TRPV5: variants seen among roughly 807,000 people sequenced by gnomAD.
TRPV5 encodes transient receptor potential cation channel subfamily V member 5.
Under a neutral mutation model 74.1 loss-of-function variants are expected in TRPV5, and 66 were observed. That is an observed-to-expected ratio of 0.89 (90% confidence interval 0.73 to 1.09). The LOEUF (loss-of-function observed/expected upper bound fraction) is 1.09. Ranked by LOEUF, TRPV5 falls within the 50% of genes least tolerant of loss-of-function variation. TRPV5 has a pLI of 0.00. For missense variants in TRPV5, 936 were observed against 930.4 expected, an observed-to-expected ratio of 1.01 and a Z score of -0.08; for synonymous variants, 399 against 360.7, an observed-to-expected ratio of 1.11 and a Z score of -1.20.
At chr7:142,933,270 A>C (rs1381703305) in intron 1 of TRPV5, 62 bp downstream of exon 1, 18 of 1,591,386 alleles carry the variant, frequency 1.1e-5, no homozygotes, top group Non-Finnish European at 1.3e-5. Context: ...AAGCAGGCCC[A>C]GGTGGGTCAG....
intron 12 of TRPV5, among the ~76,000 whole-genome samples, chr7:142,913,237 C>T (rs1231805232): frequency 6.6e-6 from 1 of 152,146 alleles, no homozygotes; most frequent in Non-Finnish European, 1.5e-5. Context: ...ATCACTCTGA[C>T]CTTCCCTGAG....
intron 1 of TRPV5, 75 bp downstream of exon 1, chr7:142,933,257 G>C (rs550856685): frequency 2.5e-6 from 4 of 1,572,422 alleles, no homozygotes; most frequent in Non-Finnish European, 3.4e-6. Context: ...TGCTGTATTC[G>C]GAAAGCAGGC....
chr7:142,919,859 G>A (rs755759039), intron 8 of TRPV5, among the ~76,000 whole-genome samples: 2 of 152,196 alleles, frequency 1.3e-5, no homozygotes, highest in African/African-American at 4.8e-5. Context: ...CCACCACAGT[G>A]GGAAGTGGGT....
chr7:142,929,350 G>A, intron 4 of TRPV5, 78 bp downstream of exon 4: 1 of 1,574,264 alleles, frequency 6.4e-7, no homozygotes, highest in Non-Finnish European at 8.6e-7. Flanking sequence ...GCTGAAGGCA[G>A]GACCCTCATG....
chr7:142,931,858 T>C (rs1408376060), intron 1 of TRPV5, among the ~76,000 whole-genome samples: 4 of 152,022 alleles, frequency 2.6e-5, no homozygotes, highest in African/African-American at 4.8e-5. Flanking sequence ...CCCACCACCA[T>C]GCCTGACTAG....
In TRPV5 at chr7:142,928,155, G is replaced by A. The variant is rs1307796334; in HGVS notation, c.842C>T (p.Thr281Met). 4 of 1,613,982 alleles carry A rather than the reference G, an allele frequency of 2.5e-6. No individual in the cohort carries two copies. Among genetic ancestry groups the A allele is most frequent in the Admixed American group, 1.7e-5 (1 of 60,008 alleles). Residue 281 changes from threonine (T) to methionine (M), a missense_variant, in exon 7 of 15, where the codon ACG (threonine) becomes ATG (methionine). By Grantham distance (81) the Thr-to-Met change is moderately conservative. Coordinates refer to ENST00000265310, the MANE Select transcript of TRPV5 (RefSeq NM_019841.7). ...GPLTSILYDL[T>M]EIDSWGEELS... is the part of the protein sequence containing the mutation. ...CTCCTCTCCCCAGGAGTCGATCTCC[G>A]TGAGGTCGTAGAGAATGGAGGTCAG...
At chr7:142,908,973 G>C (rs898731107) in intron 14 of TRPV5, among the ~76,000 whole-genome samples, 165 bp from the exon 15 acceptor site, 5 of 152,084 alleles carry the variant, frequency 3.3e-5, no homozygotes, top group African/African-American at 1.2e-4. Flanking sequence ...GGTGATGGAG[G>C]GCAGGCTAAC....
At chr7:142,927,503 C>T (rs1439967494) in intron 7 of TRPV5, among the ~76,000 whole-genome samples, 1 of 152,114 alleles carries the variant, frequency 6.6e-6, no homozygotes, top group Non-Finnish European at 1.5e-5. Context: ...GCAGGCTGTA[C>T]AGGTTCTGGA....
Position 142,933,465 on chromosome 7 carries a change from C to T in TRPV5, c.-6G>A. On this transcript the variant is annotated 5_prime_UTR_variant, in exon 1 of 15. Transcript: ENST00000265310. ...TTAGGTAGAAAACCCCCCATGTCTT[C>T]TCCTTGCAGACACTGGCAGATTATA... is the stretch of plus-strand genomic sequence containing the variant. The T allele has an allele frequency of 6.2e-7, 1 of 1,611,882 alleles. No homozygotes were observed. The highest frequency in any genetic ancestry group is 8.5e-7 in the Non-Finnish European group (1 of 1,179,204).
At chr7:142,932,607 C>T (rs1796114792) in intron 1 of TRPV5, among the ~76,000 whole-genome samples, 1 of 152,150 alleles carries the variant, frequency 6.6e-6, no homozygotes, top group Non-Finnish European at 1.5e-5. Context: ...CCCCAAAACA[C>T]TTGGAGGAAG....
At chr7:142,920,517 T>C (rs2116589517) in intron 8 of TRPV5, among the ~76,000 whole-genome samples, 1 of 151,970 alleles carries the variant, frequency 6.6e-6, no homozygotes, top group Middle Eastern at 3.4e-3. Context: ...CACGTGAGTG[T>C]GGCAAGCCCT....
chr7:142,926,116 G>A (rs879564489), intron 7 of TRPV5, among the ~76,000 whole-genome samples: 3 of 152,168 alleles, frequency 2.0e-5, no homozygotes, highest in Admixed American at 6.5e-5. Flanking sequence ...AATCTATTGG[G>A]AGTGGTAGTC....
chr7:142,918,594 G>A (rs966982441), intron 8 of TRPV5, among the ~76,000 whole-genome samples: 2 of 152,186 alleles, frequency 1.3e-5, no homozygotes, highest in African/African-American at 4.8e-5. Flanking sequence ...AGGTGGCAGT[G>A]GAGAGTGTTC....
chr7:142,915,679 C>A, intron 8 of TRPV5, 111 bp from the exon 9 acceptor site: 1 of 981,470 alleles, frequency 1.0e-6, no homozygotes. Context: ...ACTCCCCTTC[C>A]CACCAGCATC....
chr7:142,911,846 G>A (rs1795707262), intron 13 of TRPV5, among the ~76,000 whole-genome samples: 1 of 152,192 alleles, frequency 6.6e-6, no homozygotes, highest in African/African-American at 2.4e-5. Flanking sequence ...ATATGAGAGG[G>A]AAAGACTGGC....
chr7:142,914,966 A>C lies in TRPV5; in HGVS notation c.1367T>G (p.Phe456Cys), dbSNP rs1329048507. 2 of 1,614,006 alleles carry C rather than the reference A, an allele frequency of 1.2e-6. No homozygotes were observed. The highest frequency in any genetic ancestry group is 4.5e-5 in the East Asian group (2 of 44,886). ...NTNGEVVPMS[F>C]ALVLGWCSVM... ...ACTGCACCAGCCCAGCACCAGGGCA[A>C]AGGACATGGGCACCACCTCCCCATT... Residue 456 changes from phenylalanine (F) to cysteine (C), a missense_variant, in exon 11 of 15, where the codon TTT becomes TGT. By Grantham distance (205) the Phe-to-Cys change is radical. Coordinates refer to ENST00000265310, the MANE Select transcript of TRPV5 (RefSeq NM_019841.7).
At position 142,924,355 on chromosome 7, in the gene TRPV5, CATATACATGTATATATATACAT is replaced by C. The variant is rs1795944353; in HGVS notation, c.1122+1152_1122+1173del. Among the ~76,000 whole-genome samples the C allele has an allele frequency of 1.9e-4, 4 of 20,526 alleles. 2 individuals are homozygous for C. The highest frequency in any genetic ancestry group is 3.6e-4 in the Non-Finnish European group (2 of 5,504). 13.5% of individuals were successfully genotyped at this position (20,526 alleles called of 152,430 possible). A position where few individuals can be genotyped will look rare whatever the true frequency, so the allele number is the denominator to read the frequency against. On this transcript the variant is annotated intron_variant, in intron 8 of 14. Coordinates refer to ENST00000265310, the MANE Select transcript of TRPV5 (RefSeq NM_019841.7). ...ATATATACATATATATATATATAGACATATACATGTATATATATACATATATATATATATATACATATACATG... is the reference window on the plus strand; with the variant it reads ...ATATATACATATATATATATATAGACATATATATATATATACATATACATG...
intron 8 of TRPV5, among the ~76,000 whole-genome samples, chr7:142,918,597 GAGTGTTCTTTAATCTTT>G (rs1795834080): frequency 6.6e-6 from 1 of 152,228 alleles, no homozygotes; most frequent in African/African-American, 2.4e-5. Flanking sequence ...TGGCAGTGGA[GAGTGTTCTTTAATCTTT>G]ATCGTCACAG....
chr7:142,912,564 A>G lies in TRPV5; in HGVS notation c.1706T>C (p.Leu569Pro). The G allele has an allele frequency of 6.2e-7, 1 of 1,614,128 alleles. No homozygotes were observed. The highest frequency in any genetic ancestry group is 8.5e-7 in the Non-Finnish European group (1 of 1,179,956). Residue 569 changes from leucine to proline, a missense_variant, in exon 13 of 15, where the codon CTC (leucine) becomes CCC (proline). Physicochemically the swap from Leu to Pro is moderately conservative, Grantham distance 98 (BLOSUM62 -3). Coordinates refer to ENST00000265310, the MANE Select transcript of TRPV5 (RefSeq NM_019841.7). Reference protein sequence around the residue: ...NFAFTIIATLLMLNLFIAMMG... With the variant: ...NFAFTIIATLPMLNLFIAMMG... Reference sequence around the variant, plus strand: ...CATGGCGATGAACAAGTTGAGCATGAGCAGTGTGGCAATGATGGTGAAGGC... The same window carrying G: ...CATGGCGATGAACAAGTTGAGCATGGGCAGTGTGGCAATGATGGTGAAGGC...
Sources: allele counts gnomAD v4.1 joint callset (sites outside exome capture counted in the v4.1 genomes callset), GRCh38; gene constraint gnomAD v4.1.1; transcripts MANE v1.5; gene names NCBI Gene and HGNC (gene_info 2026-07-23, HGNC 2026-07-21).